Variants in PRDM16 observed in about 807,000 individuals in gnomAD.
PRDM16 encodes the protein histone-lysine N-methyltransferase PRDM16.
A neutral mutation model predicts 110.6 loss-of-function variants in PRDM16; 23 were observed. The ratio of observed to expected loss-of-function variants is 0.21; its 90% confidence interval spans 0.15 to 0.29. The LOEUF (loss-of-function observed/expected upper bound fraction) is 0.29. Ranked by LOEUF, PRDM16 falls within the 10% of genes least tolerant of loss-of-function variation. The pLI is 1.00. For synonymous variants in PRDM16, 799 were observed against 781.8 expected (o/e 1.02, Z -0.37); for missense variants, 1,615 against 1,794.3 (o/e 0.90, Z 1.81).
At chr1:3,310,561 G>A (rs1406892497) in intron 3 of PRDM16, among the ~76,000 whole-genome samples, 1 of 152,106 alleles carries the variant, frequency 6.6e-6, no homozygotes, top group African/African-American at 2.4e-5. Flanking sequence ...CAGCATCCGT[G>A]CCTGGGGAGA....
chr1:3,107,352 C>T (rs1425042852), intron 1 of PRDM16, among the ~76,000 whole-genome samples: 2 of 152,090 alleles, frequency 1.3e-5, no homozygotes, highest in Non-Finnish European at 2.9e-5. Context: ...CTGGCTGGGC[C>T]GGGGGAGCCA....
At chr1:3,272,809 C>T (rs1033530059) in intron 3 of PRDM16, among the ~76,000 whole-genome samples, 1 of 152,236 alleles carries the variant, frequency 6.6e-6, no homozygotes, top group African/African-American at 2.4e-5. Flanking sequence ...TGGAGCTGCC[C>T]TGTGCCCCCA....
At chr1:3,131,026 C>T (rs1431424086) in intron 1 of PRDM16, among the ~76,000 whole-genome samples, 3 of 152,086 alleles carry the variant, frequency 2.0e-5, no homozygotes, top group Non-Finnish European at 2.9e-5. Flanking sequence ...GCGGGAGGGA[C>T]GCTTGAACCG....
chr1:3,248,966 A>C (rs1472068185), intron 3 of PRDM16, among the ~76,000 whole-genome samples: 1 of 152,210 alleles, frequency 6.6e-6, no homozygotes, highest in Non-Finnish European at 1.5e-5. Context: ...CAGACAGGCA[A>C]CTGCTAAGTG....
intron 1 of PRDM16, among the ~76,000 whole-genome samples, chr1:3,180,141 CCA>C (rs1644133097): frequency 6.6e-6 from 1 of 152,016 alleles, no homozygotes; most frequent in African/African-American, 2.4e-5. Flanking sequence ...CTGCCACCCT[CCA>C]CAGTTATTTC....
Position 3,436,560 on chromosome 1 carries a change from T to C in PRDM16, c.*2749T>C, listed in dbSNP as rs1269767435. On this transcript the variant is annotated 3_prime_UTR_variant, in exon 17 of 17. Coordinates refer to ENST00000270722, the MANE Select transcript of PRDM16 (RefSeq NM_022114.4). ...GAGCCCCTGACAAAGGCAGCACTTA[T>C]TTCCTGGGCTGGTGCGCCCCAAAAC... is the stretch of plus-strand genomic sequence containing the variant. 4.3e-6 allele frequency: 1 copy of C among 231,194 alleles called. No homozygotes were observed. Among genetic ancestry groups the C allele is most frequent in the African/African-American group, 2.2e-5 (1 of 45,168 alleles). 14.3% of individuals were successfully genotyped at this position (231,194 alleles called of 1,614,324 possible). A position where few individuals can be genotyped will look rare whatever the true frequency, so the allele number is the denominator to read the frequency against.
intron 2 of PRDM16, among the ~76,000 whole-genome samples, chr1:3,199,390 C>T (rs1638562973): frequency 6.6e-6 from 1 of 152,226 alleles, no homozygotes; most frequent in Non-Finnish European, 1.5e-5. Context: ...GGCCGGGCCT[C>T]CGGAGCCCCT....
chr1:3,303,572 C>T (rs1641251752), intron 3 of PRDM16, among the ~76,000 whole-genome samples: 1 of 152,164 alleles, frequency 6.6e-6, no homozygotes, highest in Non-Finnish European at 1.5e-5. Context: ...TACTCTTGGC[C>T]GTATTCTTAG....
At chr1:3,088,774 T>C (rs910786345) in intron 1 of PRDM16, among the ~76,000 whole-genome samples, 2 of 145,918 alleles carry the variant, frequency 1.4e-5, no homozygotes, top group African/African-American at 5.0e-5. Context: ...ATATTATTTA[T>C]TATTATTTAT....
chr1:3,408,828 G>T (rs1302528446), intron 8 of PRDM16, among the ~76,000 whole-genome samples: 1 of 144,024 alleles, frequency 6.9e-6, no homozygotes, highest in Non-Finnish European at 1.5e-5. Flanking sequence ...GCGTGAGCTG[G>T]TGCGTGTGTT....
intron 1 of PRDM16, among the ~76,000 whole-genome samples, chr1:3,070,110 C>T (rs1641711888): frequency 1.3e-5 from 2 of 151,972 alleles, no homozygotes; most frequent in South Asian, 4.1e-4. Context: ...CCGCCGCTGC[C>T]GCCCTCGGGC....
chr1:3,380,738 A>G (rs1302377286), intron 3 of PRDM16, among the ~76,000 whole-genome samples: 1 of 152,206 alleles, frequency 6.6e-6, no homozygotes, highest in Non-Finnish European at 1.5e-5. Context: ...CAGGGCCATC[A>G]TGTGGAAAAG....
At position 3,425,926 on chromosome 1, in the gene PRDM16, C is replaced by T; in HGVS notation, c.3110-125C>T. On this transcript the variant is annotated intron_variant, in intron 13 of 16. Coordinates refer to ENST00000270722, the MANE Select transcript of PRDM16 (RefSeq NM_022114.4). This position sits in a 1 kb window ranked among gnomAD's most constrained non-coding sequence, Gnocchi z 6.9. Reference sequence around the variant, plus strand: ...GTCATTAAAGAGAACCTCGTGCTCTCCGGTGTCCCTAAGAAACCTGCCTCC... The same window carrying T: ...GTCATTAAAGAGAACCTCGTGCTCTTCGGTGTCCCTAAGAAACCTGCCTCC... 7.8e-7 allele frequency: 1 copy of T among 1,274,282 alleles called. No homozygotes were observed. Among genetic ancestry groups the T allele is most frequent in the Non-Finnish European group, 1.1e-6 (1 of 934,214 alleles). 78.9% of individuals were successfully genotyped at this position (1,274,282 alleles called of 1,614,324 possible).
chr1:3,170,096 T>C (rs752657670), intron 1 of PRDM16, among the ~76,000 whole-genome samples: 57 of 152,208 alleles, frequency 3.7e-4, no homozygotes, highest in Non-Finnish European at 6.9e-4. Flanking sequence ...GCTGGCCTGC[T>C]AAATGAATCT....
chr1:3,295,066 C>T (rs1641057085), intron 3 of PRDM16, among the ~76,000 whole-genome samples: 1 of 152,218 alleles, frequency 6.6e-6, no homozygotes, highest in African/African-American at 2.4e-5. Context: ...GCTCTCCTGC[C>T]TGTGGGCCCA....
chr1:3,135,026 GC>G (rs1643408399), intron 1 of PRDM16, among the ~76,000 whole-genome samples: 1 of 152,152 alleles, frequency 6.6e-6, no homozygotes, highest in African/African-American at 2.4e-5. Flanking sequence ...GCGTGCTGCT[GC>G]CCCCGGGTCA....
At chr1:3,113,693 C>T (rs1232047962) in intron 1 of PRDM16, among the ~76,000 whole-genome samples, 1 of 152,220 alleles carries the variant, frequency 6.6e-6, no homozygotes, top group African/African-American at 2.4e-5. Context: ...GGTGGCTCCC[C>T]CTCAGAGCTG....
At chr1:3,385,434 T>TTGGTGCTTGGCC in intron 4 of PRDM16, 148 bp downstream of exon 4, 1 of 855,104 alleles carries the variant, frequency 1.2e-6, no homozygotes, top group South Asian at 1.6e-5. Flanking sequence ...GGGGTGCTGT[T>TTGGTGCTTGGCC]TGGTGCTTGG....
At chr1:3,219,415 C>G (rs1047166653) in intron 2 of PRDM16, among the ~76,000 whole-genome samples, 6 of 152,202 alleles carry the variant, frequency 3.9e-5, no homozygotes, top group Admixed American at 3.9e-4. Context: ...ACATTGTCTG[C>G]CGTGCCAGCT....
Sources: allele counts gnomAD v4.1 joint callset (sites outside exome capture counted in the v4.1 genomes callset), GRCh38; gene constraint gnomAD v4.1.1; non-coding constraint Gnocchi (gnomAD v3.1); transcripts MANE v1.5; gene names NCBI Gene and HGNC (gene_info 2026-07-23, HGNC 2026-07-21).